EGFR: variants seen among roughly 807,000 people sequenced by gnomAD.
EGFR encodes epidermal growth factor receptor.
EGFR carries 58 observed loss-of-function variants against 143.0 expected under a neutral mutation model. The ratio of observed to expected loss-of-function variants is 0.41; its 90% confidence interval spans 0.33 to 0.50. The LOEUF is 0.50. Ranked by LOEUF, EGFR falls within the 20% of genes least tolerant of loss-of-function variation. The pLI, the probability that EGFR is intolerant of heterozygous loss-of-function variation, is 0.39. For synonymous variants in EGFR, 613 were observed against 594.4 expected (o/e 1.03, Z -0.45); for missense variants, 1,307 against 1,579.0 (o/e 0.83, Z 2.92).
chr7:55,170,710 C>A, intron 15 of EGFR: 1 of 1,528,128 alleles, frequency 6.5e-7, no homozygotes, highest in African/African-American at 1.4e-5. Context: ...GGACTGACCT[C>A]TTCCTCCTCG....
chr7:55,071,375 A>G (rs1013127), intron 1 of EGFR, among the ~76,000 whole-genome samples: 38,371 of 152,196 alleles, frequency 0.25, 5,854 homozygotes, highest in African/African-American at 0.43. Flanking sequence ...GCCTTCTGTT[A>G]TATAAAATTG....
intron 1 of EGFR, among the ~76,000 whole-genome samples, chr7:55,044,733 G>T (rs75495934): frequency 2.6e-5 from 4 of 152,204 alleles, no homozygotes; most frequent in Non-Finnish European, 4.4e-5. Flanking sequence ...CGCATAACTC[G>T]TGTGTCCTAA....
At chr7:55,188,594 A>G (rs1020315110) in intron 20 of EGFR, among the ~76,000 whole-genome samples, 15 of 152,168 alleles carry the variant, frequency 9.9e-5, no homozygotes, top group Middle Eastern at 6.3e-3. Flanking sequence ...AGAAGCAGGA[A>G]CTGAGTTTCC....
chr7:55,030,667 C>T (rs1037578119), intron 1 of EGFR, among the ~76,000 whole-genome samples: 2 of 152,208 alleles, frequency 1.3e-5, no homozygotes, highest in Non-Finnish European at 2.9e-5. Context: ...TTGTAAGACT[C>T]ATTTCTATGA....
intron 1 of EGFR, among the ~76,000 whole-genome samples, chr7:55,104,521 G>A (rs1247850283): frequency 6.6e-6 from 1 of 152,192 alleles, no homozygotes; most frequent in East Asian, 1.9e-4. Flanking sequence ...AAAACCTAGA[G>A]CCTATCTGTG....
intron 1 of EGFR, among the ~76,000 whole-genome samples, chr7:55,055,182 A>G (rs1788735436): frequency 6.6e-6 from 1 of 152,140 alleles, no homozygotes; most frequent in Non-Finnish European, 1.5e-5. Flanking sequence ...CTCATCTTAG[A>G]GTCTCTCTAT....
chr7:55,161,140 G>A (rs376204762), intron 12 of EGFR, among the ~76,000 whole-genome samples: 9 of 152,252 alleles, frequency 5.9e-5, no homozygotes, highest in Non-Finnish European at 1.2e-4. Flanking sequence ...GGCAGTGGCC[G>A]TGGGAGCACA....
At chr7:55,193,098 T>C (rs1039672998) in intron 22 of EGFR, among the ~76,000 whole-genome samples, 8 of 152,022 alleles carry the variant, frequency 5.3e-5, no homozygotes, top group African/African-American at 1.9e-4. Context: ...GGAAAGAGCT[T>C]AGGAAACGGC....
At position 55,181,484 on chromosome 7, in the gene EGFR, C is replaced by A. The variant is rs775576810; in HGVS notation, c.2469+6C>A. On this transcript the variant is annotated splice_donor_region_variant and intron_variant, in intron 20 of 27. Transcript: ENST00000275493. ...GGTGTGTGCAGATCGCAAAGGTAATCAGGGAAGGGAGATACGGGGAGGGGA... is the reference window on the plus strand; with the variant it reads ...GGTGTGTGCAGATCGCAAAGGTAATAAGGGAAGGGAGATACGGGGAGGGGA... 5.6e-6 allele frequency: 9 copies of A among 1,614,226 alleles called. No homozygotes were observed. Among genetic ancestry groups the A allele is most frequent in the Non-Finnish European group, 3.4e-6 (4 of 1,180,040 alleles).
chr7:55,094,715 G>C (rs1200346366), intron 1 of EGFR, among the ~76,000 whole-genome samples: 1 of 152,190 alleles, frequency 6.6e-6, no homozygotes, highest in African/African-American at 2.4e-5. Context: ...GAGAAGTAGG[G>C]TAAAAAGAAA....
At chr7:55,024,368 A>T (rs1012975146) in intron 1 of EGFR, among the ~76,000 whole-genome samples, 18 of 152,142 alleles carry the variant, frequency 1.2e-4, no homozygotes, top group African/African-American at 4.3e-4. Context: ...AAACACTAAC[A>T]TGGGGGAGTA....
chr7:55,151,182 G>T, intron 4 of EGFR, 112 bp from the exon 5 acceptor site: 4 of 1,073,166 alleles, frequency 3.7e-6, no homozygotes, highest in Admixed American at 1.7e-5. Context: ...CAGAGAATAA[G>T]TTGAAAAGAT....
chr7:55,154,249 G>T (rs2128935420), intron 7 of EGFR, 97 bp downstream of exon 7: 1 of 1,580,666 alleles, frequency 6.3e-7, no homozygotes, highest in South Asian at 1.1e-5. Context: ...GAGAGTCTTT[G>T]GGTGGATGTG....
chr7:55,058,056 A>G (rs1440307179), intron 1 of EGFR, among the ~76,000 whole-genome samples: 1 of 152,192 alleles, frequency 6.6e-6, no homozygotes, highest in Non-Finnish European at 1.5e-5. Flanking sequence ...TGACCCACCA[A>G]TCTCATTACT....
In EGFR at chr7:55,093,772, G is replaced by A. The variant is rs541824534; in HGVS notation, c.89-48514G>A. Among the ~76,000 whole-genome samples, 3 of 152,302 alleles carry A rather than the reference G, an allele frequency of 2.0e-5. No homozygotes were observed. In the East Asian group the frequency reaches 5.8e-4, roughly 29 times the overall value. On this transcript the variant is annotated intron_variant, in intron 1 of 27. Transcript: ENST00000275493. The stretch of plus-strand genomic sequence containing the variant: ...GCAAGGAGTTATCTTAATTTAGGGA[G>A]ATGAAACTAGTCTGTGATCCGAGGT...
intron 13 of EGFR, among the ~76,000 whole-genome samples, chr7:55,162,433 A>G (rs1278266323): frequency 6.6e-6 from 1 of 152,250 alleles, no homozygotes; most frequent in Non-Finnish European, 1.5e-5. Context: ...GACCAAGTTC[A>G]ATTCTATAGG....
intron 15 of EGFR, among the ~76,000 whole-genome samples, chr7:55,169,827 G>A (rs1584215177): frequency 6.6e-6 from 1 of 152,176 alleles, no homozygotes; most frequent in Non-Finnish European, 1.5e-5. Flanking sequence ...ACAGCTTCTT[G>A]TTAGCAATCC....
Position 55,019,307 on chromosome 7 carries a change from G to A in EGFR, c.30G>A (p.Ala10=), listed in dbSNP as rs757936561. 1 of 1,518,278 alleles carries A rather than the reference G, an allele frequency of 6.6e-7. No individual in the cohort carries two copies. The highest frequency in any genetic ancestry group is 8.9e-7 in the Non-Finnish European group (1 of 1,128,914). 94.1% of individuals were successfully genotyped at this position (1,518,278 alleles called of 1,614,324 possible). A position where few individuals can be genotyped will look rare whatever the true frequency, so the allele number is the denominator to read the frequency against. Reference sequence around the variant, plus strand: ...GACCCTCCGGGACGGCCGGGGCAGCGCTCCTGGCGCTGCTGGCTGCGCTCT... The same window carrying A: ...GACCCTCCGGGACGGCCGGGGCAGCACTCCTGGCGCTGCTGGCTGCGCTCT... MRPSGTAGA[A]LLALLAALCP... The change falls in exon 1 of 28, where the codon GCG becomes GCA. Residue 10 remains alanine, a synonymous_variant. Transcript: ENST00000275493.
chr7:55,089,460 C>T (rs1472067771), intron 1 of EGFR, among the ~76,000 whole-genome samples: 1 of 152,190 alleles, frequency 6.6e-6, no homozygotes, highest in Non-Finnish European at 1.5e-5. Context: ...CCCAAATCAT[C>T]AAGTTTGTTT....
Sources: allele counts gnomAD v4.1 joint callset (sites outside exome capture counted in the v4.1 genomes callset), GRCh38; gene constraint gnomAD v4.1.1; transcripts MANE v1.5; gene names NCBI Gene and HGNC (gene_info 2026-07-23, HGNC 2026-07-21).